DVL3: variants seen among roughly 807,000 people sequenced by gnomAD.
The protein encoded by DVL3 is segment polarity protein dishevelled homolog DVL-3.
DVL3 carries 27 observed loss-of-function variants against 67.4 expected under a neutral mutation model. The observed-to-expected ratio is 0.40, with a 90% CI of 0.30 to 0.55. DVL3 has a LOEUF of 0.55. Among genes scored for constraint, DVL3 ranks in the 20% least tolerant of loss-of-function variants. The probability of loss-of-function intolerance (pLI) is 0.46; values close to 1 mark genes in which losing one functional copy is unlikely to be tolerated. For synonymous variants in DVL3, 369 were observed against 396.8 expected (o/e 0.93, Z 0.83); for missense variants, 819 against 1,021.5 (o/e 0.80, Z 2.70).
At chr3:184,157,430 G>A (rs1560115458) in intron 1 of DVL3, among the ~76,000 whole-genome samples, 1 of 152,122 alleles carries the variant, frequency 6.6e-6, no homozygotes, top group Non-Finnish European at 1.5e-5. Context: ...CTTATCTCCA[G>A]ACCCACTGGA....
chr3:184,158,888 G>A (rs972242094), intron 1 of DVL3, among the ~76,000 whole-genome samples: 29 of 149,282 alleles, frequency 1.9e-4, no homozygotes, highest in African/African-American at 6.9e-4. Flanking sequence ...TGATTCTCCT[G>A]CCTCAGCCTC....
At position 184,168,060 on chromosome 3, in the gene DVL3, G is replaced by T. The variant is rs1714661839; in HGVS notation, c.1493G>T (p.Cys498Phe). The stretch of plus-strand genomic sequence containing the variant: ...TGCTACTACATCTTCGGTGACCTCT[G>T]CGGCAGTATGTGCCTCCCTCATCTT... ...EQCYYIFGDL[C>F]GNMANLSLHD... The change falls in exon 13 of 15, where the codon TGC becomes TTC. Residue 498 changes from cysteine to phenylalanine, a missense_variant. Cys to Phe is a radical substitution (Grantham distance 205). This residue lies in a region of DVL3 where 110 missense variants were observed against 203.4 expected (regional missense o/e 0.54). Transcript: ENST00000313143. The T allele has an allele frequency of 6.2e-7, 1 of 1,613,630 alleles. No homozygotes were observed. The highest frequency in any genetic ancestry group is 1.3e-5 in the African/African-American group (1 of 74,938).
chr3:184,158,338 A>AC (rs1226281298), intron 1 of DVL3, among the ~76,000 whole-genome samples: 1 of 151,996 alleles, frequency 6.6e-6, no homozygotes, highest in African/African-American at 2.4e-5. Flanking sequence ...GTTTCAGAAA[A>AC]AAAAAAAAAA....
Position 184,166,201 on chromosome 3 carries a change from C to G in DVL3, c.839C>G (p.Ser280Cys). 6.2e-7 allele frequency: 1 copy of G among 1,613,622 alleles called. No homozygotes were observed. Among genetic ancestry groups the G allele is most frequent in the Non-Finnish European group, 8.5e-7 (1 of 1,179,890 alleles). Residue 280 changes from serine (S) to cysteine (C), a missense_variant, in exon 8 of 15, where the codon TCT becomes TGT. By Grantham distance (112) the Ser-to-Cys change is moderately radical. This residue lies in a region of DVL3 where 385 missense variants were observed against 486.8 expected (regional missense o/e 0.79). Coordinates refer to ENST00000313143, the MANE Select transcript of DVL3 (RefSeq NM_004423.4). This position sits in a 1 kb window ranked among gnomAD's most constrained non-coding sequence, Gnocchi z 6.7. Reference protein sequence around the residue: ...ERGDGGIYIGSIMKGGAVAAD... With the variant: ...ERGDGGIYIGCIMKGGAVAAD... ...GGTGACGGCGGCATCTACATTGGCT[C>G]TATCATGAAGGGTGGGGCCGTGGCT...
chr3:184,155,548 G>T lies in DVL3; in HGVS notation c.-88G>T, dbSNP rs2109016642. ...CCGCCGAGCTGGGTTGAGCCGCTGG[G>T]CCGCGCCGCGCGCCGCCGCCGTCTG... On this transcript the variant is annotated 5_prime_UTR_variant, in exon 1 of 15. Coordinates refer to ENST00000313143, the MANE Select transcript of DVL3 (RefSeq NM_004423.4). The surrounding 1 kb of genome is among the most constrained non-coding windows in gnomAD (Gnocchi z 5.4). The T allele has an allele frequency of 1.1e-6, 1 of 881,926 alleles. No individual in the cohort carries two copies. The highest frequency in any genetic ancestry group is 1.8e-5 in the African/African-American group (1 of 54,754). The allele number at this position is 881,926 out of a possible 1,614,324, so 54.6% of individuals were successfully genotyped here.
chr3:184,156,835 A>G (rs1714213088), intron 1 of DVL3: 2 of 268,472 alleles, frequency 7.4e-6, no homozygotes, highest in African/African-American at 4.4e-5. Context: ...AGGCCCCTCC[A>G]GGCCTGAAGG....
Position 184,165,814 on chromosome 3 carries a change from T to C in DVL3, c.764-312T>C, listed in dbSNP as rs910379627. Among the ~76,000 whole-genome samples the C allele has an allele frequency of 2.6e-5, 4 of 152,208 alleles. No homozygotes were observed. The highest frequency in any genetic ancestry group is 4.4e-5 in the Non-Finnish European group (3 of 68,044). ...CTAGGTACTCTCTTTATGAGACAGCTGGATATAGTAAAAGGAGCCCAACTA... is the reference window on the plus strand; with the variant it reads ...CTAGGTACTCTCTTTATGAGACAGCCGGATATAGTAAAAGGAGCCCAACTA... On this transcript the variant is annotated intron_variant, in intron 7 of 14. Transcript: ENST00000313143. This position sits in a 1 kb window ranked among gnomAD's most constrained non-coding sequence, Gnocchi z 4.1.
chr3:184,169,680 T>G (rs1560120607), intron 13 of DVL3, among the ~76,000 whole-genome samples: 2 of 152,180 alleles, frequency 1.3e-5, no homozygotes, highest in African/African-American at 4.8e-5. Context: ...AGAGCAAGAC[T>G]CCGTCTCAAA....
Position 184,164,550 on chromosome 3 carries a change from T to G in DVL3, c.412T>G (p.Leu138Val). The G allele has an allele frequency of 6.3e-7, 1 of 1,578,706 alleles. No homozygotes were observed. Among genetic ancestry groups the G allele is most frequent in the South Asian group, 1.2e-5 (1 of 85,632 alleles). ...NLDNDTETDS[L>V]VSAQRERPRR... ...GGACAATGACACAGAGACGGACTCT[T>G]TGGTGTCTGCCCAGCGAGAGCGGCC... Residue 138 changes from leucine to valine, a missense_variant, in exon 4 of 15, where the codon TTG becomes GTG. Leu to Val is a conservative substitution (Grantham distance 32). This residue lies in a region of DVL3 where 385 missense variants were observed against 486.8 expected (regional missense o/e 0.79). Transcript: ENST00000313143. This position sits in a 1 kb window ranked among gnomAD's most constrained non-coding sequence, Gnocchi z 5.3.
At chr3:184,157,906 T>C (rs758302111) in intron 1 of DVL3, among the ~76,000 whole-genome samples, 5 of 152,246 alleles carry the variant, frequency 3.3e-5, no homozygotes, top group Non-Finnish European at 7.3e-5. Context: ...AGCATATATA[T>C]ATGTTTCATT....
Position 184,171,102 on chromosome 3 carries a change from G to A in DVL3, c.*347G>A, listed in dbSNP as rs1316239612. ...AGTTGACCCCAGCAATGACCTTGGTGGCACGCTCACTCCCTCATTCTCTCG... is the reference window on the plus strand; with the variant it reads ...AGTTGACCCCAGCAATGACCTTGGTAGCACGCTCACTCCCTCATTCTCTCG... On this transcript the variant is annotated 3_prime_UTR_variant, in exon 15 of 15. Transcript: ENST00000313143. The A allele has an allele frequency of 8.2e-7, 1 of 1,221,870 alleles. No individual in the cohort carries two copies. The highest frequency in any genetic ancestry group is 1.0e-6 in the Non-Finnish European group (1 of 968,090). 75.7% of individuals were successfully genotyped at this position (1,221,870 alleles called of 1,614,324 possible).
At chr3:184,169,840 C>G (rs2109023559) in intron 13 of DVL3, among the ~76,000 whole-genome samples, 166 bp from the exon 14 acceptor site, 1 of 152,250 alleles carries the variant, frequency 6.6e-6, no homozygotes, top group African/African-American at 2.4e-5. Flanking sequence ...GGGGCTGGCT[C>G]TGGTGGTGGC....
At chr3:184,168,762 C>T (rs1483627997) in intron 13 of DVL3, among the ~76,000 whole-genome samples, 2 of 152,142 alleles carry the variant, frequency 1.3e-5, no homozygotes, top group Admixed American at 6.5e-5. Context: ...GACCTGGTAC[C>T]GATAGTGTGT....
chr3:184,164,992 G>A lies in DVL3; in HGVS notation c.599+61G>A, dbSNP rs1406969054. On this transcript the variant is annotated intron_variant, in intron 5 of 14. Transcript: ENST00000313143. The surrounding 1 kb of genome is among the most constrained non-coding windows in gnomAD (Gnocchi z 5.3). ...TGACCCTGGAGGAGCCCTAAACCCT[G>A]AGGATGCGGGGCCCCTGGGAGGCTT... is the stretch of plus-strand genomic sequence containing the variant. 1 of 1,611,378 alleles carries A rather than the reference G, an allele frequency of 6.2e-7. No individual in the cohort carries two copies.
intron 1 of DVL3, among the ~76,000 whole-genome samples, chr3:184,162,067 C>T (rs1453237587): frequency 6.6e-6 from 1 of 152,096 alleles, no homozygotes; most frequent in African/African-American, 2.4e-5. Flanking sequence ...CCTAGTTTCC[C>T]CATTGTACCT....
chr3:184,160,346 T>G (rs1714339515), intron 1 of DVL3, among the ~76,000 whole-genome samples: 1 of 152,180 alleles, frequency 6.6e-6, no homozygotes, highest in Non-Finnish European at 1.5e-5. Context: ...AGTGTATGGA[T>G]CCTGCTAAAA....
In DVL3 at chr3:184,164,410, G is replaced by T. The variant is rs1354034184; in HGVS notation, c.353+22G>T. ...TCCAGTGAGTGTGACCTGAGGGTGG[G>T]GAGGGCCGCATCAGTTCAGCCCAGG... is the stretch of plus-strand genomic sequence containing the variant. On this transcript the variant is annotated intron_variant, in intron 3 of 14. Coordinates refer to ENST00000313143, the MANE Select transcript of DVL3 (RefSeq NM_004423.4). The surrounding 1 kb of genome is among the most constrained non-coding windows in gnomAD (Gnocchi z 5.3). 1 of 1,611,402 alleles carries T rather than the reference G, an allele frequency of 6.2e-7. No homozygotes were observed. Among genetic ancestry groups the T allele is most frequent in the African/African-American group, 1.3e-5 (1 of 74,884 alleles).
Position 184,167,100 on chromosome 3 carries a change from A to G in DVL3, c.1198+125A>G. The G allele has an allele frequency of 8.1e-7, 1 of 1,238,958 alleles. No homozygotes were observed. The highest frequency in any genetic ancestry group is 1.1e-6 in the Non-Finnish European group (1 of 885,362). The allele number at this position is 1,238,958 out of a possible 1,614,324, so 76.7% of individuals were successfully genotyped here. A position where few individuals can be genotyped will look rare whatever the true frequency, so the allele number is the denominator to read the frequency against. On this transcript the variant is annotated intron_variant, in intron 11 of 14. Transcript: ENST00000313143. The surrounding 1 kb of genome is among the most constrained non-coding windows in gnomAD (Gnocchi z 4.6). ...CTGGAGATGGGGCTCGGCTCATTCC[A>G]GCAACCCCACACTGCAACTCCCCCA...
intron 13 of DVL3, among the ~76,000 whole-genome samples, 161 bp downstream of exon 13, chr3:184,168,226 A>G (rs1438801658): frequency 6.6e-6 from 1 of 152,196 alleles, no homozygotes; most frequent in Non-Finnish European, 1.5e-5. Context: ...AGTCCAGTTT[A>G]GCCTCTTCAC....
Sources: allele counts gnomAD v4.1 joint callset (sites outside exome capture counted in the v4.1 genomes callset), GRCh38; gene constraint gnomAD v4.1.1; regional missense constraint gnomAD v4.1.1; non-coding constraint Gnocchi (gnomAD v3.1); transcripts MANE v1.5; gene names NCBI Gene and HGNC (gene_info 2026-07-23, HGNC 2026-07-21).